The following MUC22 variants were observed in gnomAD, a reference collection of about 807,000 sequenced individuals.
MUC22 encodes mucin-22.
MUC22 carries 24 observed loss-of-function variants against 40.3 expected under a neutral mutation model. That is an observed-to-expected ratio of 0.60 (90% CI 0.43 to 0.84). The LOEUF is 0.84. MUC22 is among the 40% of genes least tolerant of loss of function. MUC22 has a pLI of 0.00. For synonymous variants in MUC22, 765 were observed against 844.5 expected (o/e 0.91, Z 1.63); for missense variants, 1,926 against 2,130.7 (o/e 0.90, Z 1.89).
chr6:31,006,152 T>C (rs145378967), upstream of MUC22: 818 of 392,542 alleles, frequency 2.1e-3, 6 homozygotes, highest in Non-Finnish European at 3.4e-3. Flanking sequence ...ATGATTCATA[T>C]TTTCTTGAAA....
chr6:31,009,965 G>A (rs182772848), upstream of MUC22, among the ~76,000 whole-genome samples: 14 of 152,252 alleles, frequency 9.2e-5, 1 homozygote, highest in Admixed American at 7.2e-4. Flanking sequence ...GAGCTCACAG[G>A]GAGTGGAGTG....
chr6:31,019,369 A>G (rs565296762), intron 1 of MUC22, among the ~76,000 whole-genome samples: 3 of 152,282 alleles, frequency 2.0e-5, no homozygotes, highest in African/African-American at 7.2e-5. Flanking sequence ...TACTGCTCTT[A>G]ATTTTTTCAC....
At chr6:31,034,975 G>C (rs1766348203) in exon 4 of MUC22, 2 of 1,519,794 alleles carry the variant, frequency 1.3e-6, no homozygotes, top group Non-Finnish European at 1.8e-6. Flanking sequence ...GAGCCACCAA[G>C]GAGGCCACGG....
Position 31,011,819 on chromosome 6 carries a change from T to A in MUC22, c.70+1043T>A, listed in dbSNP as rs1197262562. Among the ~76,000 whole-genome samples the A allele has an allele frequency of 6.6e-6, 1 of 152,224 alleles. No individual in the cohort carries two copies. The highest frequency in any genetic ancestry group is 2.4e-5 in the African/African-American group (1 of 41,446). On this transcript the variant is annotated intron_variant, in intron 1 of 3. Transcript: ENST00000561890. The surrounding 1 kb of genome is among the most constrained non-coding windows in gnomAD (Gnocchi z 4.5). ...CATTCCCACTAGCAGTGTAGAAGTG[T>A]TCCCTGATCACTGCATCTACGCCAA...
chr6:31,020,709 G>A (rs1764625862), intron 1 of MUC22, among the ~76,000 whole-genome samples: 1 of 152,198 alleles, frequency 6.6e-6, no homozygotes. Flanking sequence ...TCAGCTTGCA[G>A]GGAGGTGTGG....
upstream of MUC22, chr6:31,006,086 G>C (rs140234453): frequency 2.9e-6 from 1 of 349,238 alleles, no homozygotes; most frequent in East Asian, 1.2e-4. Context: ...CAGCCTGGTC[G>C]ACAGAGCGAG....
At chr6:31,008,130 C>A (rs1763627293), upstream of MUC22, among the ~76,000 whole-genome samples, 3 of 152,220 alleles carry the variant, frequency 2.0e-5, no homozygotes, top group Non-Finnish European at 2.9e-5. Context: ...GACATGACAA[C>A]CTCCTTTTAT....
At position 31,031,230 on chromosome 6, in the gene MUC22, C is replaced by A. The variant is rs184547522; in HGVS notation, c.4670-966C>A. 2.5e-3 allele frequency among the ~76,000 whole-genome samples: 381 copies of A among 152,306 alleles called. 4 individuals carry two copies. Among genetic ancestry groups the A allele is most frequent in the Middle Eastern group, 0.01 (3 of 294 alleles). On this transcript the variant is annotated intron_variant, in intron 2 of 3. Coordinates refer to ENST00000561890, the Ensembl canonical transcript of MUC22. ...TGTGTTGATTCGTGCTCACACCTGTCTGAGCCCACCCTCTCCTATCCCTGT... is the reference window on the plus strand; with the variant it reads ...TGTGTTGATTCGTGCTCACACCTGTATGAGCCCACCCTCTCCTATCCCTGT...
chr6:31,032,792 G>C lies in MUC22; in HGVS notation c.5055+211G>C, dbSNP rs1766164946. On this transcript the variant is annotated intron_variant, in intron 3 of 3. Coordinates refer to ENST00000561890, the Ensembl canonical transcript of MUC22. The surrounding 1 kb of genome is among the most constrained non-coding windows in gnomAD (Gnocchi z 4.1). ...GTAGAAAAAGAGGAGGGAAAAGATG[G>C]AGTTGGGGCCAAAGTGAAGGGAAAT... Among the ~76,000 whole-genome samples, 1 of 152,162 alleles carries C rather than the reference G, an allele frequency of 6.6e-6. No individual in the cohort carries two copies. Among genetic ancestry groups the C allele is most frequent in the South Asian group, 2.1e-4 (1 of 4,832 alleles).
chr6:31,025,436 C>T (rs891191709), intron 1 of MUC22, 66 bp from the exon 2 acceptor site: 90 of 1,414,100 alleles, frequency 6.4e-5, no homozygotes, highest in Non-Finnish European at 8.0e-5. Context: ...GTGAAAGTAA[C>T]ACTATACTAA....
intron 3 of MUC22, among the ~76,000 whole-genome samples, chr6:31,033,790 ATT>A (rs1766251688): frequency 6.6e-6 from 1 of 152,236 alleles, no homozygotes; most frequent in Non-Finnish European, 1.5e-5. Flanking sequence ...AGAGCCTGTT[ATT>A]AAGTGTTGGA....
Position 31,025,940 on chromosome 6 carries a change from C to T in MUC22, c.509C>T (p.Ser170Phe), listed in dbSNP as rs1225649659. ...GGCTCTGAGAAAACGATGGCCTCCT[C>T]CATAATTTCTGAGACCACCATGGCC... Residue 170 changes from serine (S) to phenylalanine (F), a missense_variant, in exon 2 of 4, where the codon TCC becomes TTC. Coordinates refer to ENST00000561890, the Ensembl canonical transcript of MUC22. 1 of 1,534,938 alleles carries T rather than the reference C, an allele frequency of 6.5e-7. No homozygotes were observed. The highest frequency in any genetic ancestry group is 8.7e-7 in the Non-Finnish European group (1 of 1,146,630).
chr6:31,013,979 G>T (rs1764025544), intron 1 of MUC22, among the ~76,000 whole-genome samples: 2 of 151,988 alleles, frequency 1.3e-5, no homozygotes, highest in South Asian at 4.1e-4. Context: ...TCACATTCCC[G>T]CTCACAATTC....
At chr6:31,019,399 C>A (rs4713411) in intron 1 of MUC22, among the ~76,000 whole-genome samples, 67,904 of 152,100 alleles carry the variant, frequency 0.45, 15,388 homozygotes, top group East Asian at 0.55. Context: ...CCTACATGCC[C>A]GTTTTCACAC....
intron 1 of MUC22, among the ~76,000 whole-genome samples, chr6:31,018,017 G>T (rs185482502): frequency 6.6e-6 from 1 of 152,192 alleles, no homozygotes; most frequent in African/African-American, 2.4e-5. Context: ...AAGAAACGCC[G>T]AACACATCTG....
rs1255604895 is a variant in MUC22 at position 31,026,591 on chromosome 6, C to T, written c.1160C>T (p.Thr387Ile). Residue 387 changes from threonine (T) to isoleucine (I), a missense_variant, in exon 2 of 4, where the codon ACC becomes ATC. Transcript: ENST00000561890. ...AACTCTACTACAAGCTCTGAGACCA[C>T]CGTCACCTCTACTGCAGGCTCTGAG... 30 of 1,507,296 alleles carry T rather than the reference C, an allele frequency of 2.0e-5. 2 individuals are homozygous for T. The highest frequency in any genetic ancestry group is 2.7e-5 in the Non-Finnish European group (30 of 1,128,698). 93.4% of individuals were successfully genotyped at this position (1,507,296 alleles called of 1,614,324 possible). A position where few individuals can be genotyped will look rare whatever the true frequency, so the allele number is the denominator to read the frequency against.
At chr6:31,025,969 A>T in exon 2 of MUC22, 1 of 1,533,888 alleles carries the variant, frequency 6.5e-7, no homozygotes, top group Non-Finnish European at 8.7e-7. Context: ...CATGGCCTCC[A>T]CCACAGGCTC....
At chr6:31,034,922 A>C (rs756901630) in exon 4 of MUC22, 1 of 1,535,638 alleles carries the variant, frequency 6.5e-7, no homozygotes, top group South Asian at 1.2e-5. Context: ...CATTATGGAC[A>C]TGGAGGAGGC....
chr6:31,006,770 A>T (rs1763547262), upstream of MUC22, among the ~76,000 whole-genome samples: 1 of 152,228 alleles, frequency 6.6e-6, no homozygotes, highest in Non-Finnish European at 1.5e-5. Flanking sequence ...TGGGGAAAGT[A>T]AAATGGAACT....
Sources: allele counts gnomAD v4.1 joint callset (sites outside exome capture counted in the v4.1 genomes callset), GRCh38; gene constraint gnomAD v4.1.1; non-coding constraint Gnocchi (gnomAD v3.1); transcripts MANE v1.5; gene names NCBI Gene and HGNC (gene_info 2026-07-23, HGNC 2026-07-21).